Variants in ABCA9 observed in about 807,000 individuals in gnomAD.
ABCA9 encodes the protein ATP-binding cassette sub-family A member 9.
ABCA9 carries 183 observed loss-of-function variants against 205.3 expected under a neutral mutation model. The observed-to-expected ratio is 0.89, with a 90% CI of 0.79 to 1.01. ABCA9 has a LOEUF of 1.01. ABCA9 is among the 50% of genes least tolerant of loss of function. The pLI is 0.00. For missense variants in ABCA9, 1,805 were observed against 1,912.4 expected (o/e 0.94, Z 1.05); for synonymous variants, 651 against 683.3 (o/e 0.95, Z 0.74).
Position 68,985,139 on chromosome 17 carries a change from C to T in ABCA9, c.4209-11G>A. 2 of 1,614,186 alleles carry T rather than the reference C, an allele frequency of 1.2e-6. No homozygotes were observed. The highest frequency in any genetic ancestry group is 1.7e-5 in the Admixed American group (1 of 60,024). On this transcript the variant is annotated splice_polypyrimidine_tract_variant and intron_variant, in intron 32 of 38. Coordinates refer to ENST00000340001, the MANE Select transcript of ABCA9 (RefSeq NM_080283.4). ...AGCGCATCCACTAACCTGAAGAAAA[C>T]AGAGTCAATCCACATAATCCCAACA...
At chr17:69,034,354 T>C (rs544135274) in intron 8 of ABCA9, among the ~76,000 whole-genome samples, 1 of 152,270 alleles carries the variant, frequency 6.6e-6, no homozygotes, top group East Asian at 1.9e-4. Flanking sequence ...CCAGAGTAGC[T>C]AGGACTACAG....
At position 69,022,822 on chromosome 17, in the gene ABCA9, G is replaced by A. The variant is rs1016160791; in HGVS notation, c.2282-961C>T. On this transcript the variant is annotated intron_variant, in intron 17 of 38. Transcript: ENST00000340001. ...ATAAAAGATAAACTAATTCAATATT[G>A]GGATAAATTAAAGACTTCAATCTTA... 2.6e-5 allele frequency among the ~76,000 whole-genome samples: 4 copies of A among 152,062 alleles called. 1 individual carries two copies. The South Asian group carries it at 8.3e-4, about 31-fold the overall frequency.
chr17:69,019,049 A>C (rs973597974), intron 19 of ABCA9, among the ~76,000 whole-genome samples: 2 of 151,904 alleles, frequency 1.3e-5, no homozygotes, highest in African/African-American at 4.8e-5. Flanking sequence ...CTCTCCCTTA[A>C]GTTTATTTTC....
At chr17:69,001,355 T>A (rs546406417) in intron 25 of ABCA9, among the ~76,000 whole-genome samples, 2 of 152,248 alleles carry the variant, frequency 1.3e-5, no homozygotes, top group East Asian at 3.9e-4. Flanking sequence ...AAAGGCCTTT[T>A]CTGCATCTAT....
intron 21 of ABCA9, among the ~76,000 whole-genome samples, chr17:69,016,671 G>T (rs926649615): frequency 6.6e-6 from 1 of 152,042 alleles, no homozygotes; most frequent in Non-Finnish European, 1.5e-5. Flanking sequence ...GCAACACTAC[G>T]AAACTCCATA....
At chr17:68,996,048 T>C (rs2069612054) in intron 25 of ABCA9, 34 bp from the exon 26 acceptor site, 3 of 1,588,148 alleles carry the variant, frequency 1.9e-6, no homozygotes, top group Non-Finnish European at 2.6e-6. Context: ...GTCATTAAAG[T>C]GTACCAATCT....
chr17:69,007,621 T>C (rs1043615751), intron 25 of ABCA9, 138 bp downstream of exon 25: 15 of 595,864 alleles, frequency 2.5e-5, no homozygotes, highest in Non-Finnish European at 4.2e-5. Flanking sequence ...AGACTTTAAA[T>C]AGTACTTTGA....
intron 22 of ABCA9, among the ~76,000 whole-genome samples, chr17:69,014,988 C>T (rs191863064): frequency 1.2e-4 from 18 of 152,196 alleles, no homozygotes; most frequent in South Asian, 6.2e-4. Context: ...TGACCACATA[C>T]GTAGAAACTG....
At chr17:68,976,099 T>A in intron 38 of ABCA9, 36 bp downstream of exon 38, 2 of 1,606,032 alleles carry the variant, frequency 1.2e-6, no homozygotes, top group Non-Finnish European at 1.7e-6. Context: ...ACATGTATAT[T>A]CCATGGATGA....
chr17:68,988,343 A>T lies in ABCA9; in HGVS notation c.4047+684T>A, dbSNP rs573804510. Reference sequence around the variant, plus strand: ...TGTTTTGCAATTTAGATAATTATCCATTTTTTTTTCATTAAATCTGATTTC... The same window carrying T: ...TGTTTTGCAATTTAGATAATTATCCTTTTTTTTTTCATTAAATCTGATTTC... On this transcript the variant is annotated intron_variant, in intron 31 of 38. Transcript: ENST00000340001. 2.2e-3 allele frequency among the ~76,000 whole-genome samples: 325 copies of T among 150,998 alleles called. 2 individuals are homozygous for T. Among genetic ancestry groups the T allele is most frequent in the African/African-American group, 6.9e-3 (283 of 41,232 alleles).
At chr17:69,065,682 T>C (rs1234938628), upstream of ABCA9, among the ~76,000 whole-genome samples, 21 of 152,196 alleles carry the variant, frequency 1.4e-4, no homozygotes, top group Admixed American at 1.4e-3. Context: ...CTCCTACTTT[T>C]CCTTCAGGTT....
chr17:69,030,598 T>G (rs2071122118), intron 10 of ABCA9, among the ~76,000 whole-genome samples: 1 of 152,198 alleles, frequency 6.6e-6, no homozygotes, highest in African/African-American at 2.4e-5. Context: ...TGCAATGACT[T>G]TCAAGTTGAG....
At chr17:69,035,537 G>T (rs899314620) in intron 7 of ABCA9, 106 bp from the exon 8 acceptor site, 1 of 1,429,468 alleles carries the variant, frequency 7.0e-7, no homozygotes, top group Non-Finnish European at 9.4e-7. Flanking sequence ...TCCACCCCTA[G>T]ACACTGTTTC....
At chr17:69,060,442 T>C (rs2072205697) in intron 1 of ABCA9, among the ~76,000 whole-genome samples, 1 of 152,182 alleles carries the variant, frequency 6.6e-6, no homozygotes, top group Admixed American at 6.5e-5. Context: ...GAAAATATTC[T>C]CAAGCCATTT....
chr17:69,057,923 G>A (rs1412684226), intron 1 of ABCA9, among the ~76,000 whole-genome samples: 1 of 152,076 alleles, frequency 6.6e-6, no homozygotes, highest in Non-Finnish European at 1.5e-5. Context: ...AAGTAAGCTA[G>A]AGATGATTTA....
At chr17:69,052,008 A>G (rs929975053) in intron 1 of ABCA9, among the ~76,000 whole-genome samples, 6 of 152,170 alleles carry the variant, frequency 3.9e-5, no homozygotes, top group African/African-American at 1.4e-4. Context: ...GTTTGAATCA[A>G]TTATTTTGTG....
intron 8 of ABCA9, 117 bp downstream of exon 8, chr17:69,035,129 A>G: frequency 1.1e-6 from 1 of 898,872 alleles, no homozygotes; most frequent in Non-Finnish European, 1.5e-6. Flanking sequence ...TGTCTCATAC[A>G]TGTTTATTTT....
At chr17:68,989,235 C>A in intron 30 of ABCA9, 117 bp from the exon 31 acceptor site, 48 of 508,724 alleles carry the variant, frequency 9.4e-5, no homozygotes, top group Non-Finnish European at 1.1e-4. Flanking sequence ...ATATTATTTC[C>A]CTTATTCCTC....
At chr17:69,012,792 A>AGAG (rs2070429789) in intron 22 of ABCA9, among the ~76,000 whole-genome samples, 1 of 152,158 alleles carries the variant, frequency 6.6e-6, no homozygotes, top group South Asian at 2.1e-4. Context: ...ATTATTGACT[A>AGAG]GAGTCACCCT....
Sources: gnomAD v4.1 joint callset for allele counts (sites outside exome capture counted in the v4.1 genomes callset) on GRCh38, gnomAD v4.1.1 for gene constraint, MANE v1.5 for transcripts, NCBI Gene and HGNC (gene_info 2026-07-23, HGNC 2026-07-21) for gene names.